Variants in CAMKMT observed in about 807,000 individuals in gnomAD.
The protein encoded by CAMKMT is CaM KMT.
In CAMKMT, 53 loss-of-function variants were observed where a neutral mutation model predicts 48.0. The ratio of observed to expected loss-of-function variants is 1.10; its 90% CI spans 0.89 to 1.39. CAMKMT has a LOEUF of 1.39. Among genes scored for constraint, CAMKMT ranks in the 40% most tolerant of loss-of-function variants. The pLI is 0.00. For synonymous variants in CAMKMT, 165 were observed against 152.3 expected (o/e 1.08, Z -0.61); for missense variants, 428 against 402.7 (o/e 1.06, Z -0.54).
rs1023575220 is a variant in CAMKMT at position 44,446,537 on chromosome 2, G to T, written c.376+56232G>T. ...ATTTTTGTATTTTTAGTAGAGACGGGGTTTTGCCATGTTGGCCAGGCTGGT... is the reference window on the plus strand; with the variant it reads ...ATTTTTGTATTTTTAGTAGAGACGGTGTTTTGCCATGTTGGCCAGGCTGGT... On this transcript the variant is annotated intron_variant, in intron 3 of 10. Coordinates refer to ENST00000378494, the MANE Select transcript of CAMKMT (RefSeq NM_024766.5). Among the ~76,000 whole-genome samples the T allele has an allele frequency of 4.6e-5, 7 of 151,274 alleles. No individual in the cohort carries two copies. The South Asian group carries it at 1.5e-3, about 32-fold the overall frequency.
At chr2:44,429,014 T>A (rs1212541577) in intron 3 of CAMKMT, among the ~76,000 whole-genome samples, 1 of 152,204 alleles carries the variant, frequency 6.6e-6, no homozygotes, top group Non-Finnish European at 1.5e-5. Flanking sequence ...AGAAATATAT[T>A]TGAAATATAG....
intron 2 of CAMKMT, among the ~76,000 whole-genome samples, chr2:44,390,037 G>C (rs963025612): frequency 2.0e-5 from 3 of 152,076 alleles, no homozygotes; most frequent in African/African-American, 7.2e-5. Context: ...CATTTAAAAA[G>C]TCATTATGTT....
chr2:44,451,593 C>G (rs114515528), intron 3 of CAMKMT, among the ~76,000 whole-genome samples: 1 of 151,938 alleles, frequency 6.6e-6, no homozygotes, highest in East Asian at 1.9e-4. Context: ...TGGCTGTAAT[C>G]AAAAGCAGTA....
intron 8 of CAMKMT, among the ~76,000 whole-genome samples, chr2:44,753,415 AAAAG>A (rs555708405): frequency 2.0e-4 from 31 of 151,986 alleles, no homozygotes; most frequent in South Asian, 1.7e-3. Flanking sequence ...CAAAAAAAAA[AAAAG>A]AAAGAAAGAA....
At chr2:44,574,535 G>A (rs1464571225) in intron 3 of CAMKMT, among the ~76,000 whole-genome samples, 2 of 151,902 alleles carry the variant, frequency 1.3e-5, no homozygotes, top group African/African-American at 4.8e-5. Flanking sequence ...GTCTTCTCTA[G>A]GAATTAGCTA....
intron 3 of CAMKMT, among the ~76,000 whole-genome samples, chr2:44,435,799 T>C (rs1005178133): frequency 3.3e-5 from 5 of 152,234 alleles, no homozygotes; most frequent in African/African-American, 1.2e-4. Flanking sequence ...AAGCTTAAAA[T>C]TATTTGAATT....
intron 3 of CAMKMT, among the ~76,000 whole-genome samples, chr2:44,424,087 T>C (rs1452987023): frequency 6.6e-6 from 1 of 152,226 alleles, no homozygotes. Context: ...TTTGTAATTA[T>C]ATTTTCCATC....
chr2:44,772,464 ATTTTT>A lies in CAMKMT; in HGVS notation c.*363_*367del. ...TTTTGATGATACCCATCCCTCCTTCATTTTTTTTTTTTTTTTGGTCTTTGTTCTGT... is the reference window on the plus strand; with the variant it reads ...TTTTGATGATACCCATCCCTCCTTCATTTTTTTTTTTGGTCTTTGTTCTGT... On this transcript the variant is annotated 3_prime_UTR_variant, in exon 11 of 11. Coordinates refer to ENST00000378494, the MANE Select transcript of CAMKMT (RefSeq NM_024766.5). 1 of 122,072 alleles carries A rather than the reference ATTTTT, an allele frequency of 8.2e-6. No homozygotes were observed. Among genetic ancestry groups the A allele is most frequent in the Non-Finnish European group, 1.7e-5 (1 of 58,186 alleles). 7.6% of individuals were successfully genotyped at this position (122,072 alleles called of 1,614,324 possible).
At chr2:44,501,712 A>G (rs1425778913) in intron 3 of CAMKMT, among the ~76,000 whole-genome samples, 1 of 152,104 alleles carries the variant, frequency 6.6e-6, no homozygotes, top group Non-Finnish European at 1.5e-5. Context: ...TTGAATTAGG[A>G]TGTAACATTA....
chr2:44,635,641 A>G (rs976056993), intron 3 of CAMKMT, among the ~76,000 whole-genome samples: 5 of 152,172 alleles, frequency 3.3e-5, no homozygotes, highest in African/African-American at 7.2e-5. Flanking sequence ...ATTCATAAAG[A>G]TTCTGAATAT....
At chr2:44,651,532 A>G (rs1674066584) in intron 3 of CAMKMT, among the ~76,000 whole-genome samples, 1 of 152,212 alleles carries the variant, frequency 6.6e-6, no homozygotes, top group Non-Finnish European at 1.5e-5. Flanking sequence ...AAAGATACAA[A>G]AAAAGGCACT....
chr2:44,419,464 A>G (rs1683780708), intron 3 of CAMKMT, among the ~76,000 whole-genome samples: 1 of 152,204 alleles, frequency 6.6e-6, no homozygotes, highest in Non-Finnish European at 1.5e-5. Flanking sequence ...TGGAAGAGGA[A>G]AGAAGGCAGC....
intron 3 of CAMKMT, among the ~76,000 whole-genome samples, chr2:44,675,087 A>AGGG (rs1558788140): frequency 3.2e-5 from 4 of 123,338 alleles, no homozygotes; most frequent in Admixed American, 9.4e-5. Context: ...AAGGGGGGGA[A>AGGG]AAAAAAAAAG....
intron 7 of CAMKMT, among the ~76,000 whole-genome samples, chr2:44,725,289 A>G (rs1029169397): frequency 6.6e-6 from 1 of 152,136 alleles, no homozygotes. Flanking sequence ...AAAATATTTT[A>G]CTAAGTTGCT....
intron 2 of CAMKMT, among the ~76,000 whole-genome samples, chr2:44,385,701 C>T (rs558214502): frequency 9.9e-5 from 15 of 152,134 alleles, no homozygotes; most frequent in South Asian, 8.3e-4. Flanking sequence ...TGGATTTTGT[C>T]GAATGCTTTT....
chr2:44,670,044 C>A (rs1407050920), intron 3 of CAMKMT, among the ~76,000 whole-genome samples: 1 of 151,968 alleles, frequency 6.6e-6, no homozygotes, highest in Admixed American at 6.6e-5. Context: ...TATTTTTGGC[C>A]CATTTTTCTA....
chr2:44,507,866 A>G (rs983600257), intron 3 of CAMKMT, among the ~76,000 whole-genome samples: 4 of 152,196 alleles, frequency 2.6e-5, no homozygotes, highest in Non-Finnish European at 5.9e-5. Flanking sequence ...GTGCTTAATG[A>G]TCTGCATTCT....
chr2:44,543,347 A>G (rs1237224406), intron 3 of CAMKMT, among the ~76,000 whole-genome samples: 1 of 152,222 alleles, frequency 6.6e-6, no homozygotes, highest in Non-Finnish European at 1.5e-5. Flanking sequence ...ATGCAAAGAC[A>G]TTTCCCTGTA....
At chr2:44,745,852 G>A (rs889682072) in intron 8 of CAMKMT, among the ~76,000 whole-genome samples, 3 of 152,174 alleles carry the variant, frequency 2.0e-5, no homozygotes, top group East Asian at 1.9e-4. Flanking sequence ...TAATATGCAC[G>A]TTGTGCATGT....
Sources: allele counts gnomAD v4.1 joint callset (sites outside exome capture counted in the v4.1 genomes callset), GRCh38; gene constraint gnomAD v4.1.1; transcripts MANE v1.5; gene names NCBI Gene and HGNC (gene_info 2026-07-23, HGNC 2026-07-21).